MAP7: variants seen among roughly 807,000 people sequenced by gnomAD.
The protein encoded by MAP7 is ensconsin.
A neutral mutation model predicts 94.8 loss-of-function variants in MAP7; 52 were observed. The ratio of observed to expected loss-of-function variants is 0.55; its 90% CI spans 0.44 to 0.69. MAP7 has a LOEUF of 0.69. Ranked by LOEUF, MAP7 falls within the 30% of genes least tolerant of loss-of-function variation. MAP7 has a pLI of 0.00. For synonymous variants in MAP7, 350 were observed against 357.0 expected (o/e 0.98, Z 0.22); for missense variants, 940 against 964.6 (o/e 0.97, Z 0.34).
intron 1 of MAP7, among the ~76,000 whole-genome samples, chr6:136,512,203 G>A (rs1403751582): frequency 6.6e-6 from 1 of 152,204 alleles, no homozygotes; most frequent in African/African-American, 2.4e-5. Context: ...TTCTCTGGCT[G>A]GCAGGGCCAG....
At chr6:136,439,813 G>A (rs561177222) in intron 1 of MAP7, among the ~76,000 whole-genome samples, 1 of 152,266 alleles carries the variant, frequency 6.6e-6, no homozygotes, top group African/African-American at 2.4e-5. Flanking sequence ...CCTGGAAGAA[G>A]GGAAATCTTG....
chr6:136,505,804 T>C (rs1169354798), intron 1 of MAP7, among the ~76,000 whole-genome samples: 3 of 152,142 alleles, frequency 2.0e-5, no homozygotes, highest in East Asian at 1.9e-4. Context: ...TAATAATTTA[T>C]ATATAGGACT....
chr6:136,489,535 T>TC (rs1466360262), intron 1 of MAP7, among the ~76,000 whole-genome samples: 1 of 139,380 alleles, frequency 7.2e-6, no homozygotes, highest in Non-Finnish European at 1.5e-5. Flanking sequence ...TCTTTTTTTT[T>TC]TTTTTTTTTT....
At chr6:136,469,273 CTCTTT>C (rs747107307) in intron 1 of MAP7, among the ~76,000 whole-genome samples, 12 of 152,084 alleles carry the variant, frequency 7.9e-5, no homozygotes, top group Middle Eastern at 3.2e-3. Flanking sequence ...TGGTTTCATT[CTCTTT>C]TCTTTTCTTT....
chr6:136,348,689 A>G (rs1388593980), intron 16 of MAP7, among the ~76,000 whole-genome samples: 2 of 152,178 alleles, frequency 1.3e-5, no homozygotes, highest in African/African-American at 4.8e-5. Context: ...AATTATGTTA[A>G]AACAAGTAAC....
chr6:136,353,938 G>A (rs1465318613), intron 16 of MAP7, among the ~76,000 whole-genome samples: 3 of 152,022 alleles, frequency 2.0e-5, no homozygotes, highest in South Asian at 2.1e-4. Flanking sequence ...CCTAGAAATG[G>A]AAATCAAGGG....
chr6:136,452,898 C>T (rs1562417317), intron 1 of MAP7, among the ~76,000 whole-genome samples: 1 of 152,122 alleles, frequency 6.6e-6, no homozygotes, highest in Non-Finnish European at 1.5e-5. Flanking sequence ...AGACATCATG[C>T]ACATTTAATA....
At chr6:136,375,005 T>G (rs933327884) in intron 7 of MAP7, among the ~76,000 whole-genome samples, 2 of 152,154 alleles carry the variant, frequency 1.3e-5, no homozygotes, top group Admixed American at 1.3e-4. Context: ...GAAAATGTCT[T>G]TAAGAAAGTC....
chr6:136,366,204 G>T, intron 9 of MAP7, 123 bp downstream of exon 9: 2 of 1,049,148 alleles, frequency 1.9e-6, no homozygotes, highest in Non-Finnish European at 1.4e-6. Context: ...CTTTCCTTTT[G>T]GGAAGAATGC....
intron 1 of MAP7, among the ~76,000 whole-genome samples, chr6:136,504,221 T>C (rs1485911282): frequency 6.6e-6 from 1 of 151,884 alleles, no homozygotes; most frequent in Non-Finnish European, 1.5e-5. Flanking sequence ...GTACATATTA[T>C]CTCCCTGGGA....
chr6:136,497,687 T>C (rs1275154827), intron 1 of MAP7, among the ~76,000 whole-genome samples: 3 of 149,338 alleles, frequency 2.0e-5, no homozygotes, highest in African/African-American at 7.5e-5. Flanking sequence ...TAATCCCAGC[T>C]ACTCAGGAGG....
In MAP7 at chr6:136,359,760, C is replaced by A. The variant is rs192288836; in HGVS notation, c.1912+60G>T. On this transcript the variant is annotated intron_variant, in intron 15 of 17. Coordinates refer to ENST00000354570, the MANE Select transcript of MAP7 (RefSeq NM_003980.6). ...CATCAATTCCTGAATATCTTCACCCCTGGAGAGTCAATTTAAACATTTTAT... is the reference window on the plus strand; with the variant it reads ...CATCAATTCCTGAATATCTTCACCCATGGAGAGTCAATTTAAACATTTTAT... 8.7e-4 allele frequency: 1,293 copies of A among 1,491,652 alleles called. 11 individuals are homozygous for A. The African/African-American group carries it at 1.0e-2, about 12-fold the overall frequency. 92.4% of individuals were successfully genotyped at this position (1,491,652 alleles called of 1,614,324 possible).
At position 136,365,791 on chromosome 6, in the gene MAP7, T is replaced by C; in HGVS notation, c.1217A>G (p.Lys406Arg). The change falls in exon 10 of 18, where the codon AAG (lysine) becomes AGG (arginine). Residue 406 changes from lysine (K) to arginine (R), a missense_variant. Transcript: ENST00000354570. ...CTCTTCAACTGTGGCTTCTTCTACC[T>C]TCACTAAAGGTGCTCTGCCCTTTAG... is the stretch of plus-strand genomic sequence containing the variant. ...PSLKGRAPLVKVEEATVEERT... is the reference protein window; with the variant it reads ...PSLKGRAPLVRVEEATVEERT... The C allele has an allele frequency of 6.2e-7, 1 of 1,614,148 alleles. No individual in the cohort carries two copies. Among genetic ancestry groups the C allele is most frequent in the Non-Finnish European group, 8.5e-7 (1 of 1,180,006 alleles).
At chr6:136,359,691 C>T in intron 15 of MAP7, 129 bp downstream of exon 15, 2 of 830,446 alleles carry the variant, frequency 2.4e-6, no homozygotes, top group South Asian at 1.7e-5. Flanking sequence ...ATGACAGACC[C>T]CTAAGCTTCT....
chr6:136,496,777 T>TGA (rs1818353777), intron 1 of MAP7, among the ~76,000 whole-genome samples: 1 of 53,300 alleles, frequency 1.9e-5, no homozygotes, highest in African/African-American at 7.4e-5. Flanking sequence ...CCGTCTCTAC[T>TGA]AAAAAAAAAA....
At chr6:136,465,440 C>T (rs1408688489) in intron 1 of MAP7, among the ~76,000 whole-genome samples, 3 of 151,968 alleles carry the variant, frequency 2.0e-5, no homozygotes, top group African/African-American at 4.8e-5. Context: ...ATGTCTTATC[C>T]TAATACTTGA....
At chr6:136,505,414 T>C (rs1821234707) in intron 1 of MAP7, among the ~76,000 whole-genome samples, 1 of 150,880 alleles carries the variant, frequency 6.6e-6, no homozygotes, top group Non-Finnish European at 1.5e-5. Context: ...CATAATGTCC[T>C]AATTTTAGTG....
At chr6:136,431,586 T>C (rs1794933188) in intron 1 of MAP7, among the ~76,000 whole-genome samples, 1 of 152,082 alleles carries the variant, frequency 6.6e-6, no homozygotes, top group Non-Finnish European at 1.5e-5. Flanking sequence ...GGTGTGATCT[T>C]GATTCACTGT....
intron 2 of MAP7, among the ~76,000 whole-genome samples, chr6:136,413,181 T>G (rs1023001484): frequency 2.0e-5 from 3 of 149,546 alleles, no homozygotes; most frequent in Admixed American, 1.3e-4. Flanking sequence ...AAAAAAGAAT[T>G]GACATTGACA....
Sources: gnomAD v4.1 joint callset for allele counts (sites outside exome capture counted in the v4.1 genomes callset) on GRCh38, gnomAD v4.1.1 for gene constraint, MANE v1.5 for transcripts, NCBI Gene and HGNC (gene_info 2026-07-23, HGNC 2026-07-21) for gene names.